DACH1: variants seen among roughly 807,000 people sequenced by gnomAD.
The protein encoded by DACH1 is dachshund homolog 1.
In DACH1, 12 loss-of-function variants were observed where a neutral mutation model predicts 54.2. That is an observed-to-expected ratio of 0.22 (90% CI 0.14 to 0.36). The LOEUF is 0.36. DACH1 is among the 10% of genes least tolerant of loss of function. The probability of loss-of-function intolerance (pLI) is 1.00; values close to 1 mark genes in which losing one functional copy is unlikely to be tolerated. For synonymous variants in DACH1, 386 were observed against 366.2 expected (o/e 1.05, Z -0.62); for missense variants, 805 against 929.8 (o/e 0.87, Z 1.75).
At chr13:71,507,624 G>T (rs1038994861) in intron 6 of DACH1, among the ~76,000 whole-genome samples, 4 of 152,102 alleles carry the variant, frequency 2.6e-5, no homozygotes, top group African/African-American at 9.7e-5. Flanking sequence ...CTCTAACAAA[G>T]ATAAGACAGA....
chr13:71,863,345 C>T (rs1047453324), intron 1 of DACH1, among the ~76,000 whole-genome samples: 13 of 151,800 alleles, frequency 8.6e-5, no homozygotes, highest in African/African-American at 2.9e-4. Context: ...TTAATGACTA[C>T]AATATTGCAT....
chr13:71,561,972 A>G (rs981214345), intron 4 of DACH1, among the ~76,000 whole-genome samples: 5 of 152,094 alleles, frequency 3.3e-5, no homozygotes, highest in East Asian at 3.9e-4. Context: ...AAAAAAAAAA[A>G]GCGCTATAAG....
Position 71,499,748 on chromosome 13 carries a change from T to C in DACH1, c.1571-10600A>G, listed in dbSNP as rs545329339. Among the ~76,000 whole-genome samples, 189 of 152,328 alleles carry C rather than the reference T, an allele frequency of 1.2e-3. 1 individual carries two copies. The highest frequency in any genetic ancestry group is 2.0e-3 in the Non-Finnish European group (133 of 68,030). ...TCTAATTTTCTATTTCTGTGTACTT[T>C]AATAATCTACTTTAAAGTCTGCGCT... On this transcript the variant is annotated intron_variant, in intron 6 of 10. Transcript: ENST00000613252.
chr13:71,580,475 C>G (rs982081401), intron 3 of DACH1, among the ~76,000 whole-genome samples: 1 of 152,044 alleles, frequency 6.6e-6, no homozygotes, highest in African/African-American at 2.4e-5. Context: ...TGTTTTTATG[C>G]TCATGTACAA....
chr13:71,676,607 G>T (rs1411237987), intron 2 of DACH1, among the ~76,000 whole-genome samples: 1 of 152,120 alleles, frequency 6.6e-6, no homozygotes, highest in Non-Finnish European at 1.5e-5. Context: ...TACAAAAGAG[G>T]TTGTTTAGAT....
chr13:71,757,114 A>T (rs182317856), intron 1 of DACH1, among the ~76,000 whole-genome samples: 62 of 152,360 alleles, frequency 4.1e-4, no homozygotes, highest in African/African-American at 1.4e-3. Flanking sequence ...TTATTGACAT[A>T]AAGCAAAAAT....
intron 3 of DACH1, among the ~76,000 whole-genome samples, chr13:71,623,514 T>G (rs1346163422): frequency 6.6e-6 from 1 of 151,774 alleles, no homozygotes; most frequent in Non-Finnish European, 1.5e-5. Flanking sequence ...CTGTCAATAC[T>G]TATCCATCAT....
intron 1 of DACH1, among the ~76,000 whole-genome samples, chr13:71,769,123 A>T (rs1403508007): frequency 6.6e-6 from 1 of 151,840 alleles, no homozygotes; most frequent in African/African-American, 2.4e-5. Flanking sequence ...TGCAGTTAAG[A>T]TAGAATAGCA....
At chr13:71,633,025 G>A (rs1422475582) in intron 2 of DACH1, among the ~76,000 whole-genome samples, 2 of 151,852 alleles carry the variant, frequency 1.3e-5, no homozygotes, top group African/African-American at 4.8e-5. Context: ...ATTTTTCCTT[G>A]GTTACCTGAT....
At chr13:71,728,668 A>G (rs1351015753) in intron 1 of DACH1, among the ~76,000 whole-genome samples, 2 of 152,018 alleles carry the variant, frequency 1.3e-5, no homozygotes, top group African/African-American at 4.8e-5. Context: ...AGATAAGCTC[A>G]TGCTTTTTAT....
chr13:71,704,321 C>T, intron 1 of DACH1: 1 of 393,464 alleles, frequency 2.5e-6, no homozygotes, highest in South Asian at 2.4e-5. Flanking sequence ...GCGTACTGTT[C>T]AAAAAGGAAT....
At chr13:71,792,219 T>C (rs2138097728) in intron 1 of DACH1, among the ~76,000 whole-genome samples, 1 of 152,296 alleles carries the variant, frequency 6.6e-6, no homozygotes, top group African/African-American at 2.4e-5. Flanking sequence ...ATAAATGACA[T>C]ATTAAGCTCA....
intron 1 of DACH1, among the ~76,000 whole-genome samples, chr13:71,764,400 C>T (rs1207911009): frequency 6.6e-6 from 1 of 151,350 alleles, no homozygotes; most frequent in Non-Finnish European, 1.5e-5. Context: ...AGTGAGAGCC[C>T]ATATTAAAAA....
intron 2 of DACH1, among the ~76,000 whole-genome samples, chr13:71,671,279 A>T (rs1266705554): frequency 1.3e-5 from 2 of 151,946 alleles, no homozygotes; most frequent in Non-Finnish European, 2.9e-5. Flanking sequence ...ATATGTAAAA[A>T]TCTCTTTCAA....
intron 10 of DACH1, among the ~76,000 whole-genome samples, chr13:71,473,966 C>T (rs753287272): frequency 6.6e-6 from 1 of 152,056 alleles, no homozygotes; most frequent in Non-Finnish European, 1.5e-5. Flanking sequence ...ATTGTCATAA[C>T]CATATACATA....
chr13:71,547,481 G>C (rs1883533687), intron 6 of DACH1, among the ~76,000 whole-genome samples: 1 of 152,052 alleles, frequency 6.6e-6, no homozygotes, highest in South Asian at 2.1e-4. Context: ...TGAAACTGTA[G>C]CATAAGATAC....
At chr13:71,759,502 A>G (rs1159919534) in intron 1 of DACH1, among the ~76,000 whole-genome samples, 3 of 152,208 alleles carry the variant, frequency 2.0e-5, no homozygotes, top group Non-Finnish European at 4.4e-5. Flanking sequence ...TTTAACTCTA[A>G]TATCTTCATG....
intron 3 of DACH1, among the ~76,000 whole-genome samples, chr13:71,624,721 T>A (rs762820072): frequency 6.6e-6 from 1 of 151,944 alleles, no homozygotes; most frequent in Non-Finnish European, 1.5e-5. Flanking sequence ...CAAGCTTGCT[T>A]TGGCTTTTTC....
chr13:71,559,009 C>T (rs1884426447), intron 5 of DACH1, among the ~76,000 whole-genome samples: 1 of 151,908 alleles, frequency 6.6e-6, no homozygotes, highest in Non-Finnish European at 1.5e-5. Context: ...AAAATAATAG[C>T]TAAATTCTGG....
Sources: gnomAD v4.1 joint callset for allele counts (sites outside exome capture counted in the v4.1 genomes callset) on GRCh38, gnomAD v4.1.1 for gene constraint, MANE v1.5 for transcripts, NCBI Gene and HGNC (gene_info 2026-07-23, HGNC 2026-07-21) for gene names.